The following CPAP variants were observed in gnomAD, a reference collection of about 807,000 sequenced individuals.
CPAP encodes the protein centrosomal P4.1-associated protein.
At chr13:24,925,999 T>G in the CPAP span, 1 of 152,502 alleles carries the variant, frequency 6.6e-6, no homozygotes, top group Non-Finnish European at 1.5e-5. Flanking sequence ...GCTGTTTGCC[T>G]GCTCACTCTT....
chr13:24,890,808 G>A, the CPAP span, among the ~76,000 whole-genome samples: 1 of 151,918 alleles, frequency 6.6e-6, no homozygotes, highest in Non-Finnish European at 1.5e-5. Context: ...AAAGGCCATC[G>A]CCTGGCCACA....
chr13:24,905,416 T>C, the CPAP span: 1 of 1,614,132 alleles, frequency 6.2e-7, no homozygotes, highest in Admixed American at 1.7e-5. Context: ...TTGGTTTTGG[T>C]TTCAAAGAAG....
At chr13:24,888,348 T>C in the CPAP span, among the ~76,000 whole-genome samples, 2 of 151,994 alleles carry the variant, frequency 1.3e-5, no homozygotes, top group Admixed American at 6.6e-5. Flanking sequence ...ATGCGGAATA[T>C]TTTATAAGGA....
the CPAP span, among the ~76,000 whole-genome samples, chr13:24,903,421 T>C: frequency 6.6e-6 from 1 of 152,026 alleles, no homozygotes; most frequent in Non-Finnish European, 1.5e-5. Context: ...AGAGGGAAGA[T>C]GGCCATGTGA....
the CPAP span, among the ~76,000 whole-genome samples, chr13:24,894,049 G>A: frequency 2.9e-3 from 443 of 152,218 alleles, 1 homozygote; most frequent in South Asian, 6.0e-3. Context: ...GAGGCAGCGC[G>A]TGTGGGAAGC....
chr13:24,904,724 A>G, the CPAP span, among the ~76,000 whole-genome samples: 2 of 152,226 alleles, frequency 1.3e-5, no homozygotes, highest in Non-Finnish European at 2.9e-5. Context: ...TTTGTACAAA[A>G]AAATTACTTT....
chr13:24,902,751 C>T, the CPAP span, among the ~76,000 whole-genome samples: 1 of 152,186 alleles, frequency 6.6e-6, no homozygotes. Flanking sequence ...GAACTCTGGA[C>T]ACTAACGAAA....
chr13:24,885,350 A>C, the CPAP span: 3 of 1,613,876 alleles, frequency 1.9e-6, no homozygotes, highest in Non-Finnish European at 2.5e-6. Context: ...GGATCTGGGA[A>C]GTTCAGTGGT....
chr13:24,894,032 G>A, the CPAP span, among the ~76,000 whole-genome samples: 1 of 152,128 alleles, frequency 6.6e-6, no homozygotes, highest in Non-Finnish European at 1.5e-5. Flanking sequence ...ACTGAACAGA[G>A]CTGGGGGAGG....
chr13:24,905,700 G>A, the CPAP span: 1 of 1,614,152 alleles, frequency 6.2e-7, no homozygotes, highest in Admixed American at 1.7e-5. Context: ...GATCTCGAGG[G>A]CTCAGACACT....
At chr13:24,901,749 T>C in the CPAP span, among the ~76,000 whole-genome samples, 3 of 152,166 alleles carry the variant, frequency 2.0e-5, no homozygotes, top group Non-Finnish European at 2.9e-5. Flanking sequence ...CCCAGAACTT[T>C]GGGAGGCCAA....
At chr13:24,916,138 T>C in the CPAP span, among the ~76,000 whole-genome samples, 1 of 152,104 alleles carries the variant, frequency 6.6e-6, no homozygotes, top group Non-Finnish European at 1.5e-5. Flanking sequence ...GGAGTATTTT[T>C]TACAATAGGA....
At chr13:24,905,415 G>A in the CPAP span, 1 of 1,614,078 alleles carries the variant, frequency 6.2e-7, no homozygotes, top group Non-Finnish European at 8.5e-7. Flanking sequence ...TTTGGTTTTG[G>A]TTTCAAAGAA....
the CPAP span, chr13:24,883,352 A>G: frequency 1.9e-6 from 3 of 1,608,456 alleles, no homozygotes; most frequent in Non-Finnish European, 2.5e-6. Flanking sequence ...ATTAAACTCT[A>G]TGAGTTTGTT....
At chr13:24,933,728 TTC>T in the CPAP span, among the ~76,000 whole-genome samples, 1 of 151,674 alleles carries the variant, frequency 6.6e-6, no homozygotes, top group African/African-American at 2.4e-5. Context: ...TAACCTCTTC[TTC>T]TTTTTTTTTT....
At chr13:24,916,234 T>C in the CPAP span, among the ~76,000 whole-genome samples, 1 of 151,530 alleles carries the variant, frequency 6.6e-6, no homozygotes, top group Non-Finnish European at 1.5e-5. Flanking sequence ...ATGGGAAGAG[T>C]CTAGTACTGA....
chr13:24,883,505 G>T, the CPAP span: 5 of 631,696 alleles, frequency 7.9e-6, no homozygotes, highest in South Asian at 2.2e-5. Context: ...CTATACAATT[G>T]TAACTTTCTA....
At chr13:24,931,370 T>C in the CPAP span, among the ~76,000 whole-genome samples, 4 of 145,258 alleles carry the variant, frequency 2.8e-5, no homozygotes, top group Non-Finnish European at 6.0e-5. Flanking sequence ...AGCATTATAA[T>C]GTGGTAACTC....
the CPAP span, among the ~76,000 whole-genome samples, chr13:24,898,913 A>G: frequency 6.6e-6 from 1 of 152,220 alleles, no homozygotes; most frequent in Non-Finnish European, 1.5e-5. Flanking sequence ...TAATCTTCGT[A>G]TATGCCAATG....
Sources: allele counts gnomAD v4.1 joint callset (sites outside exome capture counted in the v4.1 genomes callset), GRCh38; gene constraint gnomAD v4.1.1; transcripts MANE v1.5; gene names NCBI Gene and HGNC (gene_info 2026-07-23, HGNC 2026-07-21).